ACACA: variants seen among roughly 807,000 people sequenced by gnomAD.
The protein encoded by ACACA is acetyl-CoA carboxylase alpha.
Under a neutral mutation model 296.1 loss-of-function variants are expected in ACACA, and 103 were observed. The ratio of observed to expected loss-of-function variants is 0.35; its 90% confidence interval spans 0.30 to 0.41. The LOEUF (loss-of-function observed/expected upper bound fraction) is 0.41, where lower values mean the gene tolerates loss of function less well. Ranked by LOEUF, ACACA falls within the 10% of genes least tolerant of loss-of-function variation. ACACA has a pLI of 1.00. For missense variants in ACACA, 1,554 were observed against 2,989.7 expected (o/e 0.52, Z 11.20); for synonymous variants, 953 against 1,038.6 (o/e 0.92, Z 1.58).
chr17:37,352,935 A>G (rs890304695), intron 1 of ACACA, among the ~76,000 whole-genome samples: 7 of 152,216 alleles, frequency 4.6e-5, no homozygotes, highest in Non-Finnish European at 7.3e-5. Context: ...TTTAAGTTGA[A>G]AATTATGAAG....
At chr17:37,293,125 G>C (rs529504251) in intron 3 of ACACA, among the ~76,000 whole-genome samples, 1 of 152,106 alleles carries the variant, frequency 6.6e-6, no homozygotes, top group Non-Finnish European at 1.5e-5. Context: ...AATTTCTCCA[G>C]TTCTCTATCA....
chr17:37,326,206 CAAAAAAAAAA>C (rs773519168), intron 3 of ACACA, among the ~76,000 whole-genome samples: 1 of 61,884 alleles, frequency 1.6e-5, no homozygotes, highest in South Asian at 5.8e-4. Flanking sequence ...AAGACTGTCT[CAAAAAAAAAA>C]AAAAAAAAAA....
intron 30 of ACACA, among the ~76,000 whole-genome samples, chr17:37,208,539 C>G (rs947549246): frequency 6.6e-6 from 1 of 152,060 alleles, no homozygotes; most frequent in African/African-American, 2.4e-5. Flanking sequence ...ACAAAAAAAT[C>G]TCCATTGAAA....
intron 35 of ACACA, 81 bp from the exon 36 acceptor site, chr17:37,193,496 G>A: frequency 2.7e-6 from 3 of 1,093,858 alleles, no homozygotes; most frequent in South Asian, 1.3e-5. Context: ...AAACAGTTAA[G>A]CATTTAGAAG....
At chr17:37,251,533 C>G (rs1272709503) in intron 16 of ACACA, among the ~76,000 whole-genome samples, 1 of 152,188 alleles carries the variant, frequency 6.6e-6, no homozygotes, top group Non-Finnish European at 1.5e-5. Flanking sequence ...TCTCCTCAAT[C>G]AGCAATAGAA....
At chr17:37,196,683 G>A (rs2145187011) in intron 35 of ACACA, among the ~76,000 whole-genome samples, 1 of 151,814 alleles carries the variant, frequency 6.6e-6, no homozygotes, top group East Asian at 1.9e-4. Context: ...AAATATTTTG[G>A]AATTCCAGAC....
At chr17:37,299,402 C>T in intron 3 of ACACA, 1 of 1,611,914 alleles carries the variant, frequency 6.2e-7, no homozygotes, top group East Asian at 2.2e-5. Flanking sequence ...CGCAGTTCCT[C>T]CTCCTGTTGC....
intron 35 of ACACA, among the ~76,000 whole-genome samples, chr17:37,199,066 CCT>C (rs558780903): frequency 2.9e-4 from 44 of 152,164 alleles, no homozygotes; most frequent in African/African-American, 1.0e-3. Flanking sequence ...ATGGTGAACC[CCT>C]GTCTCTACTA....
chr17:37,398,220 ACT>A (rs1382963009), intron 1 of ACACA, among the ~76,000 whole-genome samples: 3 of 91,602 alleles, frequency 3.3e-5, no homozygotes, highest in Non-Finnish European at 5.9e-5. Flanking sequence ...ACAGAGCGAG[ACT>A]CTGTCTCAAA....
At chr17:37,260,386 C>A (rs1259462243) in intron 11 of ACACA, among the ~76,000 whole-genome samples, 1 of 146,182 alleles carries the variant, frequency 6.8e-6, no homozygotes, top group African/African-American at 2.5e-5. Flanking sequence ...TCACTGTAAC[C>A]TCCGCCTCTC....
chr17:37,192,918 A>G (rs1427089702), intron 36 of ACACA, among the ~76,000 whole-genome samples: 1 of 152,220 alleles, frequency 6.6e-6, no homozygotes, highest in African/African-American at 2.4e-5. Flanking sequence ...CAGTGAAACT[A>G]AAGTATTTTT....
intron 1 of ACACA, among the ~76,000 whole-genome samples, chr17:37,359,372 G>A (rs1340078647): frequency 6.6e-6 from 1 of 151,958 alleles, no homozygotes; most frequent in Non-Finnish European, 1.5e-5. Flanking sequence ...GATGGTCCGA[G>A]CGCGGATCTG....
chr17:37,127,798 C>T (rs1465754850), intron 47 of ACACA, among the ~76,000 whole-genome samples: 3 of 147,374 alleles, frequency 2.0e-5, no homozygotes, highest in Non-Finnish European at 4.5e-5. Context: ...GAGCCGAGAT[C>T]GCGCCACTGC....
rs748514844 is a variant in ACACA at position 37,283,412 on chromosome 17, G to T, written c.472-7C>A. On this transcript the variant is annotated splice_polypyrimidine_tract_variant and splice_region_variant and intron_variant, in intron 4 of 55. Transcript: ENST00000616317. ...CATTGTTAGCAATAAGAACCTGGGA[G>T]GGGGAAGGAGATGGGAATGGGAAGA... 1 of 1,614,020 alleles carries T rather than the reference G, an allele frequency of 6.2e-7. No homozygotes were observed. The highest frequency in any genetic ancestry group is 1.7e-5 in the Admixed American group (1 of 60,014).
At chr17:37,145,921 A>C (rs1463016885) in intron 45 of ACACA, among the ~76,000 whole-genome samples, 1 of 152,220 alleles carries the variant, frequency 6.6e-6, no homozygotes, top group Non-Finnish European at 1.5e-5. Context: ...ACAAAGCAAG[A>C]CAGACATGGA....
At chr17:37,095,947 C>A (rs930271372) in intron 54 of ACACA, among the ~76,000 whole-genome samples, 2 of 152,148 alleles carry the variant, frequency 1.3e-5, no homozygotes, top group African/African-American at 4.8e-5. Context: ...GCTAGAGCAC[C>A]AAGGACACCA....
intron 39 of ACACA, among the ~76,000 whole-genome samples, chr17:37,183,610 C>T (rs1000187461): frequency 2.6e-5 from 4 of 151,920 alleles, no homozygotes; most frequent in Admixed American, 6.6e-5. Flanking sequence ...AGGCAGATCA[C>T]GAGGTCAGGA....
chr17:37,187,411 C>T (rs1342593448), intron 39 of ACACA, among the ~76,000 whole-genome samples: 1 of 152,214 alleles, frequency 6.6e-6, no homozygotes, highest in Non-Finnish European at 1.5e-5. Flanking sequence ...TTTATGTATA[C>T]TGGAGCAGGT....
chr17:37,222,094 C>T (rs1384278929), intron 28 of ACACA: 5 of 524,822 alleles, frequency 9.5e-6, no homozygotes, highest in Admixed American at 9.5e-5. Context: ...TGTAAACCTT[C>T]TTCCACACTA....
Sources: allele counts gnomAD v4.1 joint callset (sites outside exome capture counted in the v4.1 genomes callset), GRCh38; gene constraint gnomAD v4.1.1; transcripts MANE v1.5; gene names NCBI Gene and HGNC (gene_info 2026-07-23, HGNC 2026-07-21).